USP5: variants seen among roughly 807,000 people sequenced by gnomAD.
The protein encoded by USP5 is ubiquitin carboxyl-terminal hydrolase 5.
Under a neutral mutation model 102.5 loss-of-function variants are expected in USP5, and 24 were observed. The observed-to-expected ratio is 0.23, with a 90% CI of 0.17 to 0.33. The LOEUF is 0.33. Ranked by LOEUF, USP5 falls within the 10% of genes least tolerant of loss-of-function variation. The pLI is 1.00. For missense variants in USP5, 753 were observed against 1,122.1 expected (o/e 0.67, Z 4.70); for synonymous variants, 460 against 434.8 (o/e 1.06, Z -0.72).
Position 6,860,351 on chromosome 12 carries a change from C to G in USP5, c.1219-15C>G. The stretch of plus-strand genomic sequence containing the variant: ...CACTGAGCCCCAGCTGAGTCCCTGC[C>G]CTGACTCTTCCCAGGAAGTTCAAGA... On this transcript the variant is annotated splice_polypyrimidine_tract_variant and intron_variant, in intron 10 of 19. Coordinates refer to ENST00000229268, the MANE Select transcript of USP5 (RefSeq NM_001098536.2). The surrounding 1 kb of genome is among the most constrained non-coding windows in gnomAD (Gnocchi z 5.5). 6.2e-7 allele frequency: 1 copy of G among 1,614,170 alleles called. No homozygotes were observed.
At position 6,863,437 on chromosome 12, in the gene USP5, G is replaced by C. The variant is rs908066567; in HGVS notation, c.1954+60G>C. ...GTGCTGATGGGGGCCTCTCTGCCTT[G>C]CATCCCCTGCCCCTGTCCTTTGTGT... is the stretch of plus-strand genomic sequence containing the variant. On this transcript the variant is annotated intron_variant, in intron 15 of 19. Coordinates refer to ENST00000229268, the MANE Select transcript of USP5 (RefSeq NM_001098536.2). This position sits in a 1 kb window ranked among gnomAD's most constrained non-coding sequence, Gnocchi z 4.7. 5.2e-6 allele frequency: 8 copies of C among 1,541,632 alleles called. No individual in the cohort carries two copies. The African/African-American group carries it at 9.5e-5, about 18-fold the overall frequency.
At position 6,861,945 on chromosome 12, in the gene USP5, C is replaced by T. The variant is rs1944288870; in HGVS notation, c.1673+328C>T. Among the ~76,000 whole-genome samples the T allele has an allele frequency of 6.6e-6, 1 of 152,104 alleles. No homozygotes were observed. ...CTGTGGGCAGAATTTGGATTTCCAG[C>T]AAATAGCCACACTTTGAGCCTAGCC... On this transcript the variant is annotated intron_variant, in intron 13 of 19. Transcript: ENST00000229268. The surrounding 1 kb of genome is among the most constrained non-coding windows in gnomAD (Gnocchi z 4.9).
At chr12:6,853,377 C>T (rs782450853) in intron 1 of USP5, among the ~76,000 whole-genome samples, 17 of 152,382 alleles carry the variant, frequency 1.1e-4, no homozygotes, top group African/African-American at 4.1e-4. Context: ...GCTTGGTTTG[C>T]TAGGCTTTGA....
chr12:6,852,796 G>C (rs1181084338), intron 1 of USP5, among the ~76,000 whole-genome samples: 1 of 152,156 alleles, frequency 6.6e-6, no homozygotes, highest in Non-Finnish European at 1.5e-5. Context: ...TCTGAGAAAG[G>C]CAGAGAGCCT....
chr12:6,861,311 T>G lies in USP5; in HGVS notation c.1499-132T>G. ...GAGCTGCATGGAAACAGGCGAGATA[T>G]ATTGGACATGTGTCAGGGGTGCTTT... On this transcript the variant is annotated intron_variant, in intron 12 of 19. Coordinates refer to ENST00000229268, the MANE Select transcript of USP5 (RefSeq NM_001098536.2). This position sits in a 1 kb window ranked among gnomAD's most constrained non-coding sequence, Gnocchi z 4.9. The G allele has an allele frequency of 2.3e-6, 3 of 1,294,090 alleles. No homozygotes were observed. The South Asian group carries it at 4.3e-5, about 19-fold the overall frequency. The allele number at this position is 1,294,090 out of a possible 1,614,324, so 80.2% of individuals were successfully genotyped here.
Position 6,858,557 on chromosome 12 carries a change from A to C in USP5, c.998A>C (p.Asn333Thr). Residue 333 changes from asparagine (N) to threonine (T), a missense_variant, in exon 8 of 20, where the codon AAC (asparagine) becomes ACC (threonine). Asn to Thr is a moderately conservative substitution (Grantham distance 65). Coordinates refer to ENST00000229268, the MANE Select transcript of USP5 (RefSeq NM_001098536.2). This position sits in a 1 kb window ranked among gnomAD's most constrained non-coding sequence, Gnocchi z 4.2. ...PGYTGIRNLGNSCYLNSVVQV... is the reference protein window; with the variant it reads ...PGYTGIRNLGTSCYLNSVVQV... ...TACACAGGCATCCGGAACCTGGGTA[A>C]CAGCTGCTACCTCAACTCTGTGGTC... The C allele has an allele frequency of 6.2e-7, 1 of 1,613,738 alleles. No homozygotes were observed.
At chr12:6,865,119 A>C (rs367680498) in intron 18 of USP5, 45 bp from the exon 19 acceptor site, 3 of 1,529,172 alleles carry the variant, frequency 2.0e-6, no homozygotes, top group Admixed American at 3.4e-5. Flanking sequence ...TCACTCAAGC[A>C]TTCCTCTTCT....
intron 1 of USP5, among the ~76,000 whole-genome samples, chr12:6,854,326 C>T (rs1340335159): frequency 6.6e-6 from 1 of 152,048 alleles, no homozygotes; most frequent in Non-Finnish European, 1.5e-5. Context: ...CATGACCCTG[C>T]CAGACTGGGT....
Position 6,860,213 on chromosome 12 carries a change from A to G in USP5, c.1193A>G (p.Asp398Gly). ...EYSKPVPESGDGERVPEQKEV... is the reference protein window; with the variant it reads ...EYSKPVPESGGGERVPEQKEV... ...TCCAAGCCAGTACCGGAGTCGGGCG[A>G]TGGGGAGCGGGTGCCAGAACAGAAG... is the stretch of plus-strand genomic sequence containing the variant. Residue 398 changes from aspartate to glycine, a missense_variant, in exon 10 of 20, where the codon GAT (aspartate) becomes GGT (glycine). Physicochemically the swap from Asp to Gly is moderately conservative, Grantham distance 94. Coordinates refer to ENST00000229268, the MANE Select transcript of USP5 (RefSeq NM_001098536.2). This position sits in a 1 kb window ranked among gnomAD's most constrained non-coding sequence, Gnocchi z 5.5. The G allele has an allele frequency of 6.2e-7, 1 of 1,608,460 alleles. No homozygotes were observed.
chr12:6,863,760 C>G lies in USP5; in HGVS notation c.1955-70C>G, dbSNP rs1555130069. On this transcript the variant is annotated intron_variant, in intron 15 of 19. Transcript: ENST00000229268. This position sits in a 1 kb window ranked among gnomAD's most constrained non-coding sequence, Gnocchi z 4.7. ...ATGGGTGATTGGAAGAGGGCTGGGTCCTGGGGGAGGGAGGAGGAGCAAACA... is the reference window on the plus strand; with the variant it reads ...ATGGGTGATTGGAAGAGGGCTGGGTGCTGGGGGAGGGAGGAGGAGCAAACA... 6 of 1,503,708 alleles carry G rather than the reference C, an allele frequency of 4.0e-6. No homozygotes were observed. Among genetic ancestry groups the G allele is most frequent in the Non-Finnish European group, 3.6e-6 (4 of 1,124,930 alleles). 93.1% of individuals were successfully genotyped at this position (1,503,708 alleles called of 1,614,324 possible). A position where few individuals can be genotyped will look rare whatever the true frequency, so the allele number is the denominator to read the frequency against.
At chr12:6,857,163 T>C (rs1555128519) in intron 6 of USP5, among the ~76,000 whole-genome samples, 1 of 152,016 alleles carries the variant, frequency 6.6e-6, no homozygotes. Flanking sequence ...GTGTGGTAGC[T>C]CCTGCCTGTA....
In USP5 at chr12:6,858,751, G is replaced by A; in HGVS notation, c.1058+134G>A. On this transcript the variant is annotated intron_variant, in intron 8 of 19. Transcript: ENST00000229268. This position sits in a 1 kb window ranked among gnomAD's most constrained non-coding sequence, Gnocchi z 4.2. ...TAGTTCCTATCGGCTGGGTGTGTTGGCCCACACCCGTAATCCCAGTACTTC... is the reference window on the plus strand; with the variant it reads ...TAGTTCCTATCGGCTGGGTGTGTTGACCCACACCCGTAATCCCAGTACTTC... The A allele has an allele frequency of 2.5e-6, 2 of 811,154 alleles. No homozygotes were observed. The highest frequency in any genetic ancestry group is 1.9e-6 in the Non-Finnish European group (1 of 532,608). The allele number at this position is 811,154 out of a possible 1,614,324, so 50.2% of individuals were successfully genotyped here.
Position 6,861,625 on chromosome 12 carries a change from C to A in USP5, c.1673+8C>A. 1 of 1,543,408 alleles carries A rather than the reference C, an allele frequency of 6.5e-7. No individual in the cohort carries two copies. The highest frequency in any genetic ancestry group is 1.2e-5 in the South Asian group (1 of 85,050). On this transcript the variant is annotated splice_region_variant and intron_variant, in intron 13 of 19. Transcript: ENST00000229268. The surrounding 1 kb of genome is among the most constrained non-coding windows in gnomAD (Gnocchi z 4.9). ...CAAGTCAGTAGCTGTCAAGTAAGTC[C>A]TCTGGTCGGGGCCTGAGGCTGTGGG...
In USP5 at chr12:6,866,511, G is replaced by A. The variant is rs1224695059; in HGVS notation, c.*434G>A. 2 of 170,658 alleles carry A rather than the reference G, an allele frequency of 1.2e-5. No homozygotes were observed. Among genetic ancestry groups the A allele is most frequent in the Non-Finnish European group, 2.6e-5 (2 of 78,420 alleles). The allele number at this position is 170,658 out of a possible 1,614,324, so 10.6% of individuals were successfully genotyped here. ...TGTGTGGTTGGTCAAGGAGGGATGT[G>A]AGGGAAATAGGGACCCCCCGACTTG... On this transcript the variant is annotated 3_prime_UTR_variant, in exon 20 of 20. Transcript: ENST00000229268. This position sits in a 1 kb window ranked among gnomAD's most constrained non-coding sequence, Gnocchi z 4.7.
Position 6,863,014 on chromosome 12 carries a change from A to C in USP5, c.1763-172A>C, listed in dbSNP as rs1460119359. 4 of 615,126 alleles carry C rather than the reference A, an allele frequency of 6.5e-6. No individual in the cohort carries two copies. The highest frequency in any genetic ancestry group is 1.1e-5 in the Non-Finnish European group (4 of 370,688). 38.1% of individuals were successfully genotyped at this position (615,126 alleles called of 1,614,324 possible). The stretch of plus-strand genomic sequence containing the variant: ...CTAGGACCAGCATCCTGGCCTCCCA[A>C]CTCCCAGGCTTAGTATTATTTGTCT... On this transcript the variant is annotated intron_variant, in intron 14 of 19. Coordinates refer to ENST00000229268, the MANE Select transcript of USP5 (RefSeq NM_001098536.2). This position sits in a 1 kb window ranked among gnomAD's most constrained non-coding sequence, Gnocchi z 4.7.
chr12:6,856,295 C>G lies in USP5; in HGVS notation c.439-10C>G, dbSNP rs201361484. ...GTTGGGTATTGCCTCTGACCCTCTG[C>G]TTCCCCCAGGTGACCAGTGCAGTGG... On this transcript the variant is annotated splice_polypyrimidine_tract_variant and intron_variant, in intron 4 of 19. Transcript: ENST00000229268. The surrounding 1 kb of genome is among the most constrained non-coding windows in gnomAD (Gnocchi z 5.6). 6.2e-6 allele frequency: 10 copies of G among 1,610,536 alleles called. No individual in the cohort carries two copies. Among genetic ancestry groups the G allele is most frequent in the Non-Finnish European group, 8.5e-7 (1 of 1,178,052 alleles).
Position 6,863,137 on chromosome 12 carries a change from C to A in USP5, c.1763-49C>A. The A allele has an allele frequency of 6.4e-7, 1 of 1,554,174 alleles. No individual in the cohort carries two copies. Among genetic ancestry groups the A allele is most frequent in the Admixed American group, 1.9e-5 (1 of 52,400 alleles). On this transcript the variant is annotated intron_variant, in intron 14 of 19. Coordinates refer to ENST00000229268, the MANE Select transcript of USP5 (RefSeq NM_001098536.2). The surrounding 1 kb of genome is among the most constrained non-coding windows in gnomAD (Gnocchi z 4.7). The stretch of plus-strand genomic sequence containing the variant: ...GCAGGGGATTGAGGTTCCCGAATCA[C>A]TTTCCAGGTAGGCCTCCGGGAGCTG...
In USP5 at chr12:6,863,948, G is replaced by C. The variant is rs1555130148; in HGVS notation, c.2073G>C (p.Trp691Cys). 1.9e-6 allele frequency: 3 copies of C among 1,604,158 alleles called. No homozygotes were observed. The highest frequency in any genetic ancestry group is 2.6e-6 in the Non-Finnish European group (3 of 1,173,506). The change falls in exon 16 of 20, where the codon TGG becomes TGC. Residue 691 changes from tryptophan (W) to cysteine (C), a missense_variant. By Grantham distance (215) the Trp-to-Cys change is radical (BLOSUM62 -2). Transcript: ENST00000229268. The surrounding 1 kb of genome is among the most constrained non-coding windows in gnomAD (Gnocchi z 4.7). ...GNSGAEAAMN[W>C]VMSHMDDPDF... ...GCGGGGCTGAGGCCGCCATGAACTG[G>C]GTCATGTCACACATGGATGATCCAG...
In USP5 at chr12:6,860,321, A is replaced by G. The variant is rs1381207339; in HGVS notation, c.1219-45A>G. ...GGAGATGTCTAAAGAAGGCCCCTGG[A>G]TGGCCACTGAGCCCCAGCTGAGTCC... is the stretch of plus-strand genomic sequence containing the variant. On this transcript the variant is annotated intron_variant, in intron 10 of 19. Coordinates refer to ENST00000229268, the MANE Select transcript of USP5 (RefSeq NM_001098536.2). This position sits in a 1 kb window ranked among gnomAD's most constrained non-coding sequence, Gnocchi z 5.5. The G allele has an allele frequency of 6.2e-7, 1 of 1,613,750 alleles. No homozygotes were observed. Among genetic ancestry groups the G allele is most frequent in the Non-Finnish European group, 8.5e-7 (1 of 1,179,786 alleles).
Sources: gnomAD v4.1 joint callset for allele counts (sites outside exome capture counted in the v4.1 genomes callset) on GRCh38, gnomAD v4.1.1 for gene constraint, Gnocchi (gnomAD v3.1) non-coding constraint, MANE v1.5 for transcripts, NCBI Gene and HGNC (gene_info 2026-07-23, HGNC 2026-07-21) for gene names.